The following NPY2R variants were observed in gnomAD, a reference collection of about 807,000 sequenced individuals.
NPY2R encodes the protein neuropeptide Y receptor Y2.
In NPY2R, 17 loss-of-function variants were observed where a neutral mutation model predicts 22.3. That is an observed-to-expected ratio of 0.76 (90% CI 0.52 to 1.14). The LOEUF (loss-of-function observed/expected upper bound fraction) is 1.14, where lower values mean the gene tolerates loss of function less well. Among genes scored for constraint, NPY2R ranks in the 50% most tolerant of loss-of-function variants. NPY2R has a pLI of 0.00. For missense variants in NPY2R, 424 were observed against 467.9 expected (o/e 0.91, Z 0.87); for synonymous variants, 209 against 183.4 (o/e 1.14, Z -1.13).
chr4:155,212,311 G>GA (rs1198197501), intron 1 of NPY2R, among the ~76,000 whole-genome samples: 2 of 151,820 alleles, frequency 1.3e-5, no homozygotes, highest in Non-Finnish European at 2.9e-5. Context: ...TTAACAGACT[G>GA]AAAAAATGAA....
chr4:155,197,336 G>A, the NPY2R span, among the ~76,000 whole-genome samples: 2 of 151,822 alleles, frequency 1.3e-5, no homozygotes, highest in Non-Finnish European at 2.9e-5. Flanking sequence ...TAAACCTAAG[G>A]TCACAAATGG....
chr4:155,195,196 A>G, the NPY2R span, among the ~76,000 whole-genome samples: 3 of 152,146 alleles, frequency 2.0e-5, no homozygotes, highest in Middle Eastern at 3.4e-3. Flanking sequence ...TCTGAAGAAC[A>G]TAACATGTCA....
At chr4:155,200,028 C>A in the NPY2R span, among the ~76,000 whole-genome samples, 1 of 152,058 alleles carries the variant, frequency 6.6e-6, no homozygotes, top group African/African-American at 2.4e-5. Flanking sequence ...AGAGCTTCTG[C>A]ACAGCAAAGT....
intron 1 of NPY2R, among the ~76,000 whole-genome samples, chr4:155,213,339 T>C (rs1729443476): frequency 6.6e-6 from 1 of 152,218 alleles, no homozygotes; most frequent in Admixed American, 6.5e-5. Context: ...TAATACTAAA[T>C]CCTGCACCAA....
At chr4:155,181,437 T>A in the NPY2R span, among the ~76,000 whole-genome samples, 1 of 152,162 alleles carries the variant, frequency 6.6e-6, no homozygotes, top group Non-Finnish European at 1.5e-5. Flanking sequence ...CACCTATCTC[T>A]TTAAGGATCT....
chr4:155,192,402 G>GA, the NPY2R span, among the ~76,000 whole-genome samples: 60 of 151,276 alleles, frequency 4.0e-4, no homozygotes, highest in African/African-American at 1.3e-3. Flanking sequence ...AAGACATTGT[G>GA]AAAAAAAAGG....
chr4:155,189,651 G>T, the NPY2R span, among the ~76,000 whole-genome samples: 13 of 151,698 alleles, frequency 8.6e-5, no homozygotes, highest in African/African-American at 3.1e-4. Flanking sequence ...CAAAGTTATT[G>T]TTCAATATAA....
At chr4:155,193,549 G>C in the NPY2R span, among the ~76,000 whole-genome samples, 1 of 151,922 alleles carries the variant, frequency 6.6e-6, no homozygotes, top group Non-Finnish European at 1.5e-5. Flanking sequence ...AGATGGTGGG[G>C]TGGATAACTT....
the NPY2R span, among the ~76,000 whole-genome samples, chr4:155,176,872 T>A: frequency 6.6e-6 from 1 of 152,152 alleles, no homozygotes; most frequent in South Asian, 2.1e-4. Context: ...TACCTTCACA[T>A]GGCAGAAGGG....
At chr4:155,195,479 C>T in the NPY2R span, among the ~76,000 whole-genome samples, 1 of 151,990 alleles carries the variant, frequency 6.6e-6, no homozygotes, top group East Asian at 1.9e-4. Context: ...GGAACCAAAT[C>T]CTAGCACCAC....
the NPY2R span, among the ~76,000 whole-genome samples, chr4:155,180,008 ATTTT>A: frequency 1.0e-5 from 1 of 99,210 alleles, no homozygotes; most frequent in Non-Finnish European, 1.9e-5. Context: ...TCTATATTTT[ATTTT>A]GTTTTTTTTT....
chr4:155,199,622 C>G, the NPY2R span, among the ~76,000 whole-genome samples: 1 of 152,066 alleles, frequency 6.6e-6, no homozygotes, highest in Non-Finnish European at 1.5e-5. Flanking sequence ...AAACTATATA[C>G]AAGTCTACAG....
At chr4:155,202,892 C>T in the NPY2R span, among the ~76,000 whole-genome samples, 7 of 152,022 alleles carry the variant, frequency 4.6e-5, no homozygotes, top group Non-Finnish European at 5.9e-5. Flanking sequence ...CCTCTTTAGC[C>T]ATGGGTCTTC....
chr4:155,196,009 G>A, the NPY2R span, among the ~76,000 whole-genome samples: 1 of 151,968 alleles, frequency 6.6e-6, no homozygotes, highest in Admixed American at 6.6e-5. Context: ...CATGTTAAAG[G>A]ATTAAATTGA....
the NPY2R span, among the ~76,000 whole-genome samples, chr4:155,189,306 A>G: frequency 6.6e-6 from 1 of 151,988 alleles, no homozygotes; most frequent in Admixed American, 6.6e-5. Flanking sequence ...CATTTCACCA[A>G]AGGCATCCTG....
chr4:155,183,863 C>T, the NPY2R span, among the ~76,000 whole-genome samples: 1 of 152,122 alleles, frequency 6.6e-6, no homozygotes, highest in Non-Finnish European at 1.5e-5. Flanking sequence ...AAACACTATA[C>T]CCTCAAAGGC....
upstream of NPY2R, chr4:155,208,060 G>A (rs1037285820): frequency 3.3e-5 from 5 of 152,246 alleles, no homozygotes; most frequent in Non-Finnish European, 7.3e-5. This position sits in a 1 kb window ranked among gnomAD's most constrained non-coding sequence, Gnocchi z 5.6. Context: ...CCCAGCTAGA[G>A]GAGCACCAGC....
At chr4:155,177,735 C>T in the NPY2R span, among the ~76,000 whole-genome samples, 2 of 152,054 alleles carry the variant, frequency 1.3e-5, no homozygotes, top group Non-Finnish European at 2.9e-5. Context: ...ACCTCCCCAG[C>T]TTGTGCACCC....
the NPY2R span, among the ~76,000 whole-genome samples, chr4:155,174,484 A>ATATATATATATAAATATTTT: frequency 9.4e-6 from 1 of 106,120 alleles, no homozygotes; most frequent in African/African-American, 4.5e-5. Flanking sequence ...ATATATATAT[A>ATATATATATATAAATATTTT]TTTTTTTTTT....
Sources: gnomAD v4.1 joint callset for allele counts (sites outside exome capture counted in the v4.1 genomes callset) on GRCh38, gnomAD v4.1.1 for gene constraint, Gnocchi (gnomAD v3.1) non-coding constraint, MANE v1.5 for transcripts, NCBI Gene and HGNC (gene_info 2026-07-23, HGNC 2026-07-21) for gene names.